TRPC5: variants seen among roughly 807,000 people sequenced by gnomAD.
TRPC5 encodes transient receptor potential cation channel subfamily C member 5, also known as short transient receptor potential channel 5.
In TRPC5, 9 loss-of-function variants were observed where a neutral mutation model predicts 56.5. The observed-to-expected ratio is 0.16, with a 90% CI of 0.10 to 0.28. The LOEUF is 0.28. Among genes scored for constraint, TRPC5 ranks in the 10% least tolerant of loss-of-function variants. The probability of loss-of-function intolerance (pLI) is 1.00; values close to 1 mark genes in which losing one functional copy is unlikely to be tolerated. For missense variants in TRPC5, 469 were observed against 748.9 expected (o/e 0.63, Z 4.36); for synonymous variants, 282 against 278.5 (o/e 1.01, Z -0.13).
intron 2 of TRPC5, among the ~76,000 whole-genome samples, chrX:111,928,069 A>T (rs368877385): frequency 2.7e-5 from 3 of 111,287 alleles, no homozygotes; most frequent in African/African-American, 9.8e-5. Context: ...GCCTAAGTTC[A>T]TCTAGCACAG....
chrX:111,801,455 G>C (rs1481786800), intron 7 of TRPC5, among the ~76,000 whole-genome samples: 1 of 111,711 alleles, frequency 9.0e-6, no homozygotes, highest in Non-Finnish European at 1.9e-5. Flanking sequence ...TTAACTATCT[G>C]AGGGATATCC....
intron 3 of TRPC5, among the ~76,000 whole-genome samples, chrX:111,878,338 G>T (rs1924056114): frequency 9.0e-6 from 1 of 111,265 alleles, no homozygotes; most frequent in Admixed American, 9.5e-5. Flanking sequence ...AGTGATAAGT[G>T]ATATACTGCA....
intron 1 of TRPC5, among the ~76,000 whole-genome samples, chrX:111,975,989 G>A (rs1307558814): frequency 1.8e-5 from 2 of 112,209 alleles, no homozygotes; most frequent in African/African-American, 6.5e-5. Flanking sequence ...CCTAAGAAAG[G>A]AGAATACAAC....
At chrX:111,983,348 T>C (rs778290905) in intron 1 of TRPC5, among the ~76,000 whole-genome samples, 46 of 111,210 alleles carry the variant, frequency 4.1e-4, no homozygotes, top group Non-Finnish European at 7.0e-4. Context: ...ATAAACCCAT[T>C]GGTGATGATG....
At position 111,882,946 on chromosome X, in the gene TRPC5, C is replaced by T. The variant is rs1004235758; in HGVS notation, c.901-28840G>A. ...ACCAAAAATAAAAAAATTAGCCAGG[C>T]ATGATGGCATGCTCCTGTAATCCCA... On this transcript the variant is annotated intron_variant, in intron 3 of 10. Transcript: ENST00000262839. Among the ~76,000 whole-genome samples the T allele has an allele frequency of 2.7e-5, 3 of 110,907 alleles. No homozygotes were observed. In the Admixed American group the frequency reaches 2.9e-4, roughly 11 times the overall value.
intron 3 of TRPC5, among the ~76,000 whole-genome samples, chrX:111,907,748 AAG>A (rs1925679749): frequency 8.9e-6 from 1 of 111,845 alleles, no homozygotes; most frequent in Non-Finnish European, 1.9e-5. Context: ...CCTACATGAG[AAG>A]AGTTTATACT....
chrX:111,971,857 T>C (rs367909566), intron 1 of TRPC5, among the ~76,000 whole-genome samples: 1 of 111,727 alleles, frequency 9.0e-6, no homozygotes, highest in East Asian at 2.8e-4. Context: ...GTAAGTTTAA[T>C]TTAATTTCTT....
intron 1 of TRPC5, among the ~76,000 whole-genome samples, chrX:111,986,908 T>C (rs1928227104): frequency 8.9e-6 from 1 of 111,749 alleles, no homozygotes; most frequent in South Asian, 3.8e-4. Flanking sequence ...AGGGCACATA[T>C]AGAAGCTTTC....
At chrX:111,827,099 C>T (rs1922261309) in intron 7 of TRPC5, among the ~76,000 whole-genome samples, 1 of 111,595 alleles carries the variant, frequency 9.0e-6, no homozygotes, top group Admixed American at 9.5e-5. Context: ...TAGCATATGA[C>T]TTATTAGCAT....
At chrX:111,888,693 CAAAAAA>C (rs753735549) in intron 3 of TRPC5, among the ~76,000 whole-genome samples, 8 of 10,975 alleles carry the variant, frequency 7.3e-4, no homozygotes, top group African/African-American at 1.6e-3. Context: ...GACTCTATCT[CAAAAAA>C]AAAAAAAAAA....
At chrX:111,961,001 G>A (rs7876859) in intron 1 of TRPC5, among the ~76,000 whole-genome samples, 15,470 of 109,587 alleles carry the variant, frequency 0.14, 2,196 homozygotes, top group African/African-American at 0.43. Flanking sequence ...TAGTGCAGAC[G>A]AGGTTTCACC....
chrX:111,998,651 A>AT (rs1269258550), intron 1 of TRPC5, among the ~76,000 whole-genome samples: 1 of 111,291 alleles, frequency 9.0e-6, no homozygotes, highest in Non-Finnish European at 1.9e-5. Flanking sequence ...TTATACACAC[A>AT]TTTTTTTTCC....
chrX:112,075,730 C>T (rs1930819908), intron 1 of TRPC5, among the ~76,000 whole-genome samples: 1 of 111,738 alleles, frequency 8.9e-6, no homozygotes, highest in South Asian at 3.8e-4. Context: ...AGTTCCCCCT[C>T]ATCAAACAGG....
chrX:111,944,804 G>T (rs1036636908), intron 2 of TRPC5, among the ~76,000 whole-genome samples: 7 of 111,560 alleles, frequency 6.3e-5, no homozygotes, highest in Non-Finnish European at 1.3e-4. Context: ...AGGATTATCA[G>T]CAACCACCAG....
In TRPC5 at chrX:111,853,825, A is replaced by T. The variant is rs764631947; in HGVS notation, c.1182T>A (p.His394Gln). The change falls in exon 4 of 11, where the codon CAT (histidine) becomes CAA (glutamine). Residue 394 changes from histidine to glutamine, a missense_variant. His to Gln is a conservative substitution (Grantham distance 24, BLOSUM62 0). Around this residue, in one of 3 missense-constraint regions of TRPC5, gnomAD observed 157 missense variants for 360.0 expected, o/e 0.44. Transcript: ENST00000262839. ...CGACAGTTGGGGGAGGCCCCTGTAC[A>T]TGAAGGTCTGTCCTGACAATGTGCT... ...ASQHIVRTDL[H>Q]VQGPPPTVVE... 1 of 1,210,380 alleles carries T rather than the reference A, an allele frequency of 8.3e-7. No homozygotes were observed. Among genetic ancestry groups the T allele is most frequent in the African/African-American group, 1.7e-5 (1 of 57,237 alleles).
chrX:111,799,643 A>G (rs1921237676), intron 7 of TRPC5, among the ~76,000 whole-genome samples: 1 of 111,993 alleles, frequency 8.9e-6, no homozygotes, highest in Non-Finnish European at 1.9e-5. Context: ...AAAGCCGTAG[A>G]AACCTTCAAA....
At position 111,813,966 on chromosome X, in the gene TRPC5, G is replaced by A. The variant is rs747923535; in HGVS notation, c.1896+20955C>T. Reference sequence around the variant, plus strand: ...CTTCTCTTGGTAGAATTCAGGGCATGCTTCTCAAATGTTGGTGTGTATCAA... The same window carrying A: ...CTTCTCTTGGTAGAATTCAGGGCATACTTCTCAAATGTTGGTGTGTATCAA... On this transcript the variant is annotated intron_variant, in intron 7 of 10. Coordinates refer to ENST00000262839, the MANE Select transcript of TRPC5 (RefSeq NM_012471.3). Among the ~76,000 whole-genome samples the A allele has an allele frequency of 3.6e-5, 4 of 112,256 alleles. No individual in the cohort carries two copies. In the South Asian group the frequency reaches 1.5e-3, roughly 41 times the overall value.
At chrX:111,863,333 T>G (rs1387470850) in intron 3 of TRPC5, among the ~76,000 whole-genome samples, 1 of 112,120 alleles carries the variant, frequency 8.9e-6, no homozygotes, top group African/African-American at 3.2e-5. Context: ...TTTAGTTTGA[T>G]TATATGGCAT....
chrX:111,923,119 C>T (rs1374107727), intron 2 of TRPC5, among the ~76,000 whole-genome samples: 1 of 111,440 alleles, frequency 9.0e-6, no homozygotes, highest in Non-Finnish European at 1.9e-5. Context: ...CCAAAGCCTC[C>T]CGTACTGTTA....
Sources: allele counts gnomAD v4.1 joint callset (sites outside exome capture counted in the v4.1 genomes callset), GRCh38; gene constraint gnomAD v4.1.1; regional missense constraint gnomAD v4.1.1; transcripts MANE v1.5; gene names NCBI Gene and HGNC (gene_info 2026-07-23, HGNC 2026-07-21).